The following NAA15 variants were observed in gnomAD, a reference collection of about 807,000 sequenced individuals.
NAA15 encodes N-terminal acetyltransferase.
A neutral mutation model predicts 114.0 loss-of-function variants in NAA15; 34 were observed. The ratio of observed to expected loss-of-function variants is 0.30; its 90% CI spans 0.23 to 0.40. The LOEUF (loss-of-function observed/expected upper bound fraction) is 0.40. NAA15 is among the 10% of genes least tolerant of loss of function. The pLI is 1.00. For synonymous variants in NAA15, 340 were observed against 338.0 expected (o/e 1.01, Z -0.06); for missense variants, 658 against 1,004.5 (o/e 0.66, Z 4.66).
rs114104657 is a variant in NAA15 at position 139,373,674 on chromosome 4, A to C, written c.1948-2691A>C. Among the ~76,000 whole-genome samples, 1,227 of 149,478 alleles carry C rather than the reference A, an allele frequency of 8.2e-3. 18 individuals are homozygous for C. The highest frequency in any genetic ancestry group is 0.028 in the African/African-American group (1,144 of 40,792). ...TCATCCTATCTTCCTCCTTGCCTTC[A>C]CTCAGCATTTTGTTGGTTTGTTTGT... On this transcript the variant is annotated intron_variant, in intron 15 of 19. Transcript: ENST00000296543.
intron 11 of NAA15, among the ~76,000 whole-genome samples, chr4:139,358,521 TA>T (rs1446643134): frequency 3.4e-5 from 5 of 147,642 alleles, no homozygotes; most frequent in East Asian, 1.9e-4. Flanking sequence ...ATTTTTTATT[TA>T]TTTTTTTTAT....
intron 2 of NAA15, among the ~76,000 whole-genome samples, chr4:139,336,045 C>T (rs1157438260): frequency 2.6e-5 from 4 of 152,266 alleles, no homozygotes; most frequent in South Asian, 4.1e-4. Context: ...AGGTGTGAGG[C>T]ACTGTGCCTG....
intron 1 of NAA15, among the ~76,000 whole-genome samples, chr4:139,311,640 T>C (rs1746227666): frequency 6.6e-6 from 1 of 151,852 alleles, no homozygotes. Flanking sequence ...CAGGATTAAA[T>C]GAGTTTGTTG....
intron 17 of NAA15, among the ~76,000 whole-genome samples, chr4:139,381,541 T>C (rs1327677114): frequency 6.6e-6 from 1 of 152,136 alleles, no homozygotes; most frequent in Non-Finnish European, 1.5e-5. Flanking sequence ...TATTAAACCT[T>C]GTTTAATACT....
intron 12 of NAA15, 133 bp downstream of exon 12, chr4:139,360,028 A>G: frequency 2.5e-6 from 2 of 804,342 alleles, no homozygotes; most frequent in Non-Finnish European, 3.7e-6. Flanking sequence ...TAATTAAATC[A>G]CTGTATCAGA....
intron 14 of NAA15, among the ~76,000 whole-genome samples, chr4:139,366,209 T>A (rs1381069825): frequency 6.6e-6 from 1 of 152,124 alleles, no homozygotes; most frequent in African/African-American, 2.4e-5. Flanking sequence ...TAAGTGACTC[T>A]GACTCAGGGT....
intron 1 of NAA15, among the ~76,000 whole-genome samples, chr4:139,331,774 G>T (rs1747014821): frequency 6.6e-6 from 1 of 151,832 alleles, no homozygotes; most frequent in South Asian, 2.1e-4. Flanking sequence ...CATATCACAG[G>T]TTTTTTATAA....
At chr4:139,376,927 T>C (rs1267317533) in intron 16 of NAA15, among the ~76,000 whole-genome samples, 1 of 152,180 alleles carries the variant, frequency 6.6e-6, no homozygotes, top group Non-Finnish European at 1.5e-5. Flanking sequence ...AGAGTATCTG[T>C]TAAGAAAACA....
chr4:139,345,737 G>C (rs1747557513), intron 6 of NAA15, among the ~76,000 whole-genome samples: 6 of 152,166 alleles, frequency 3.9e-5, no homozygotes, highest in Admixed American at 3.9e-4. Context: ...TGGCTAATCT[G>C]GTGAAACCTC....
At position 139,301,844 on chromosome 4, in the gene NAA15, C is replaced by T. The variant is rs1745767177; in HGVS notation, c.54+13C>T. On this transcript the variant is annotated intron_variant, in intron 1 of 19. Transcript: ENST00000296543. ...CAAGCGGATCTTGGTAAGTGTGAGG[C>T]TCCGGGCAAGCGGTGGGGAGGATTT... 2 of 1,585,528 alleles carry T rather than the reference C, an allele frequency of 1.3e-6. No individual in the cohort carries two copies. The highest frequency in any genetic ancestry group is 8.6e-7 in the Non-Finnish European group (1 of 1,164,850).
chr4:139,358,263 G>C (rs1348138785), intron 11 of NAA15, among the ~76,000 whole-genome samples: 1 of 151,230 alleles, frequency 6.6e-6, no homozygotes, highest in East Asian at 1.9e-4. Flanking sequence ...CGCGATCTCA[G>C]CTCCCTGCAA....
At chr4:139,381,071 CT>C (rs1191524732) in intron 17 of NAA15, among the ~76,000 whole-genome samples, 5 of 152,102 alleles carry the variant, frequency 3.3e-5, no homozygotes, top group Non-Finnish European at 7.4e-5. Context: ...GTTGCGGAAG[CT>C]TTGCTGAGTG....
At chr4:139,365,333 C>T (rs1329293178) in intron 14 of NAA15, among the ~76,000 whole-genome samples, 13 of 151,972 alleles carry the variant, frequency 8.6e-5, no homozygotes, top group South Asian at 4.1e-4. Flanking sequence ...CCACCACATG[C>T]GGCCTACATT....
rs370680096 is a variant in NAA15, at chr4:139,370,024, C to T, written c.1754-187C>T. ...TTCACCATGTTGGCCAGGCTGGTCT[C>T]GAACTCCTGACCTCAGGTCATCTGC... On this transcript the variant is annotated intron_variant, in intron 14 of 19. Transcript: ENST00000296543. Among the ~76,000 whole-genome samples, 76 of 152,154 alleles carry T rather than the reference C, an allele frequency of 5.0e-4. 2 individuals are homozygous for T. The East Asian group carries it at 5.8e-3, about 12-fold the overall frequency.
intron 6 of NAA15, among the ~76,000 whole-genome samples, chr4:139,347,601 C>T (rs1173498879): frequency 2.0e-5 from 3 of 152,174 alleles, no homozygotes; most frequent in African/African-American, 7.2e-5. Flanking sequence ...AGGATTGCAC[C>T]ACTGCATTCC....
At chr4:139,374,009 AT>A (rs540557977) in intron 15 of NAA15, among the ~76,000 whole-genome samples, 13 of 151,720 alleles carry the variant, frequency 8.6e-5, no homozygotes, top group African/African-American at 2.9e-4. Context: ...CCAGCCTAGC[AT>A]TTTTTTTCCT....
In NAA15 at chr4:139,354,075, G is replaced by C. The variant is rs760752218; in HGVS notation, c.1064G>C (p.Ser355Thr). The C allele has an allele frequency of 1.9e-6, 3 of 1,613,678 alleles. No individual in the cohort carries two copies. The South Asian group carries it at 3.3e-5, about 18-fold the overall frequency. The change falls in exon 10 of 20, where the codon AGC (serine) becomes ACC (threonine). Residue 355 changes from serine (S) to threonine (T), a missense_variant. Coordinates refer to ENST00000296543, the MANE Select transcript of NAA15 (RefSeq NM_057175.5). ...GTAGGTTATGAAACCTCTCTAAAAA[G>C]CTGCCGGTTATTTAACCCCAATGGT... ...LVVGYETSLK[S>T]CRLFNPNDDG...
intron 1 of NAA15, among the ~76,000 whole-genome samples, chr4:139,328,217 A>G (rs1247505389): frequency 2.6e-5 from 4 of 151,380 alleles, no homozygotes; most frequent in Non-Finnish European, 5.9e-5. Context: ...TTATTTTATT[A>G]GTTTTTTCAG....
At chr4:139,343,404 C>T (rs1747478367) in intron 5 of NAA15, among the ~76,000 whole-genome samples, 1 of 152,218 alleles carries the variant, frequency 6.6e-6, no homozygotes, top group Non-Finnish European at 1.5e-5. Flanking sequence ...TATAGCCTTT[C>T]TAGCAATTTG....
Sources: gnomAD v4.1 joint callset for allele counts (sites outside exome capture counted in the v4.1 genomes callset) on GRCh38, gnomAD v4.1.1 for gene constraint, MANE v1.5 for transcripts, NCBI Gene and HGNC (gene_info 2026-07-23, HGNC 2026-07-21) for gene names.